The following AP2A2 variants were observed in gnomAD, a reference collection of about 807,000 sequenced individuals.
AP2A2 encodes the protein adaptor related protein complex 2 subunit alpha 2.
Under a neutral mutation model 104.2 loss-of-function variants are expected in AP2A2, and 32 were observed. That is an observed-to-expected ratio of 0.31 (90% confidence interval 0.23 to 0.41). The LOEUF is 0.41. AP2A2 is among the 10% of genes least tolerant of loss of function. The probability of loss-of-function intolerance (pLI) is 1.00; values close to 1 mark genes in which losing one functional copy is unlikely to be tolerated. For synonymous variants in AP2A2, 539 were observed against 533.3 expected (o/e 1.01, Z -0.15); for missense variants, 912 against 1,261.0 (o/e 0.72, Z 4.19).
At chr11:1,004,292 G>C (rs185455626) in intron 16 of AP2A2, among the ~76,000 whole-genome samples, 54 of 152,266 alleles carry the variant, frequency 3.5e-4, no homozygotes, top group Non-Finnish European at 5.1e-4. Context: ...GGCTAACATG[G>C]TGAAACCCTG....
chr11:927,677 C>T (rs963010404), intron 1 of AP2A2, among the ~76,000 whole-genome samples: 3 of 151,532 alleles, frequency 2.0e-5, no homozygotes, highest in African/African-American at 7.3e-5. Flanking sequence ...ATTAGCTGGG[C>T]GTATTGGTGT....
Position 988,585 on chromosome 11 carries a change from G to A in AP2A2, c.1165G>A (p.Val389Met). ...GGACGTGAGCGTGCGGCAGCGGGCC[G>A]TGGACCTCCTCTACGCCATGTGCGA... The part of the protein sequence containing the change: ...ERDVSVRQRA[V>M]DLLYAMCDRS... Residue 389 changes from valine to methionine, a missense_variant, in exon 10 of 22, where the codon GTG (valine) becomes ATG (methionine). By Grantham distance (21) the Val-to-Met change is conservative. Transcript: ENST00000448903. 4.3e-6 allele frequency: 7 copies of A among 1,612,976 alleles called. No homozygotes were observed. Among genetic ancestry groups the A allele is most frequent in the African/African-American group, 1.3e-5 (1 of 75,060 alleles).
rs1462838228 is a variant in AP2A2, at chr11:1,010,786, A to G, written c.*161A>G. Reference sequence around the variant, plus strand: ...CCTCTCCCCTTTGGGCTGGACGGGAACACACGTGTGTGGCTCAGGAGGAAA... The same window carrying G: ...CCTCTCCCCTTTGGGCTGGACGGGAGCACACGTGTGTGGCTCAGGAGGAAA... On this transcript the variant is annotated 3_prime_UTR_variant, in exon 22 of 22. Coordinates refer to ENST00000448903, the MANE Select transcript of AP2A2 (RefSeq NM_012305.4). The G allele has an allele frequency of 1.3e-5, 9 of 700,890 alleles. No homozygotes were observed. The highest frequency in any genetic ancestry group is 4.1e-5 in the Admixed American group (2 of 49,366). The allele number at this position is 700,890 out of a possible 1,614,324, so 43.4% of individuals were successfully genotyped here. A position where few individuals can be genotyped will look rare whatever the true frequency, so the allele number is the denominator to read the frequency against.
In AP2A2 at chr11:925,941, G is replaced by GGCGACC; in HGVS notation, c.-78_-73dup. 2 of 1,128,842 alleles carry GGCGACC rather than the reference G, an allele frequency of 1.8e-6. No homozygotes were observed. Among genetic ancestry groups the GGCGACC allele is most frequent in the Non-Finnish European group, 2.3e-6 (2 of 860,042 alleles). The allele number at this position is 1,128,842 out of a possible 1,614,324, so 69.9% of individuals were successfully genotyped here. ...CCGGCGGCTCCTCCGCGGCGGTGAC[G>GGCGACC]GCGACCGCACTCCCCGCTTCCCGCT... On this transcript the variant is annotated 5_prime_UTR_variant, in exon 1 of 22. Transcript: ENST00000448903.
chr11:993,952 G>C lies in AP2A2; in HGVS notation c.1749G>C (p.Leu583=), dbSNP rs1007346462. The C allele has an allele frequency of 6.2e-7, 1 of 1,612,600 alleles. No homozygotes were observed. The highest frequency in any genetic ancestry group is 8.5e-7 in the Non-Finnish European group (1 of 1,179,766). ...VELQQRAVEY[L]RLSTVASTDI... ...TGCAGCAGCGTGCTGTGGAGTACCT[G>C]CGGCTCAGCACCGTGGCCAGCACCG... The change falls in exon 13 of 22, where the codon CTG becomes CTC. Residue 583 remains leucine (L), a synonymous_variant. Coordinates refer to ENST00000448903, the MANE Select transcript of AP2A2 (RefSeq NM_012305.4). The surrounding 1 kb of genome is among the most constrained non-coding windows in gnomAD (Gnocchi z 8.2).
At chr11:969,616 C>G (rs966278261) in intron 2 of AP2A2, among the ~76,000 whole-genome samples, 1 of 152,168 alleles carries the variant, frequency 6.6e-6, no homozygotes, top group Non-Finnish European at 1.5e-5. Flanking sequence ...GCCATGATCC[C>G]TTGTGAGGGG....
intron 1 of AP2A2, 65 bp from the exon 2 acceptor site, chr11:959,372 T>C (rs1589966863): frequency 8.9e-7 from 1 of 1,127,366 alleles, no homozygotes; most frequent in East Asian, 2.4e-5. Context: ...GTCAGTCTTA[T>C]CAGGGAAATG....
intron 17 of AP2A2, chr11:1,007,623 C>G (rs1856254242): frequency 3.5e-6 from 1 of 284,280 alleles, no homozygotes; most frequent in African/African-American, 2.3e-5. Flanking sequence ...AGGCTCTTTT[C>G]TGTGTCTCGC....
intron 6 of AP2A2, among the ~76,000 whole-genome samples, chr11:982,340 C>T (rs569113556): frequency 6.0e-4 from 91 of 152,280 alleles, no homozygotes; most frequent in African/African-American, 2.9e-4. Flanking sequence ...CGTGAGCCAC[C>T]GCACCCGGCC....
chr11:951,775 G>C (rs1374856445), intron 1 of AP2A2, among the ~76,000 whole-genome samples: 1 of 152,210 alleles, frequency 6.6e-6, no homozygotes, highest in African/African-American at 2.4e-5. Context: ...GCTGACTGCT[G>C]TGCTAACCAC....
intron 7 of AP2A2, among the ~76,000 whole-genome samples, 170 bp downstream of exon 7, chr11:984,923 A>C (rs1855401367): frequency 6.6e-6 from 1 of 152,216 alleles, no homozygotes; most frequent in Non-Finnish European, 1.5e-5. Context: ...TGGAGCAGTT[A>C]TTGCAGAGCC....
chr11:929,374 A>T (rs7396407), intron 1 of AP2A2, among the ~76,000 whole-genome samples: 72,852 of 152,076 alleles, frequency 0.48, 18,385 homozygotes, highest in Middle Eastern at 0.65. Flanking sequence ...GCATGAGTGG[A>T]GGCCACTGGC....
intron 1 of AP2A2, among the ~76,000 whole-genome samples, chr11:930,962 A>G (rs1358718938): frequency 6.6e-6 from 1 of 152,216 alleles, no homozygotes; most frequent in South Asian, 2.1e-4. Flanking sequence ...TATGCAGTTT[A>G]GCACCTGTAG....
chr11:965,997 C>T (rs567489755), intron 2 of AP2A2, among the ~76,000 whole-genome samples: 8 of 152,258 alleles, frequency 5.3e-5, no homozygotes, highest in East Asian at 1.9e-4. Context: ...TGCACCACCA[C>T]GCCCAGCAAA....
In AP2A2 at chr11:1,011,299, G is replaced by A. The variant is rs1564826862; in HGVS notation, c.*674G>A. On this transcript the variant is annotated 3_prime_UTR_variant, in exon 22 of 22. Transcript: ENST00000448903. ...CTGCAGTCGCCGAGGCCTTGGATGT[G>A]CAGCCAGGGGAGGAGCGTCCTGCCG... 1 of 518,750 alleles carries A rather than the reference G, an allele frequency of 1.9e-6. No individual in the cohort carries two copies. Among genetic ancestry groups the A allele is most frequent in the Non-Finnish European group, 3.8e-6 (1 of 259,876 alleles). The allele number at this position is 518,750 out of a possible 1,614,324, so 32.1% of individuals were successfully genotyped here. A position where few individuals can be genotyped will look rare whatever the true frequency, so the allele number is the denominator to read the frequency against.
chr11:946,246 C>T (rs976382980), intron 1 of AP2A2, among the ~76,000 whole-genome samples: 5 of 152,206 alleles, frequency 3.3e-5, no homozygotes, highest in Non-Finnish European at 7.3e-5. Flanking sequence ...CCATGGAAAC[C>T]AGCTGCCTTA....
intron 2 of AP2A2, among the ~76,000 whole-genome samples, chr11:963,624 AT>A (rs1418898564): frequency 2.0e-5 from 3 of 152,072 alleles, no homozygotes; most frequent in Non-Finnish European, 4.4e-5. Context: ...CAGTTGATCA[AT>A]TGATTGATCT....
In AP2A2 at chr11:983,365, T is replaced by C. The variant is rs982198408; in HGVS notation, c.706-1280T>C. On this transcript the variant is annotated intron_variant, in intron 6 of 21. Transcript: ENST00000448903. Reference sequence around the variant, plus strand: ...TCTTTGGGTTAATTTGCTAGTCTCTTTTTATTATTTATTTATTTATTTATT... The same window carrying C: ...TCTTTGGGTTAATTTGCTAGTCTCTCTTTATTATTTATTTATTTATTTATT... Among the ~76,000 whole-genome samples the C allele has an allele frequency of 1.2e-4, 10 of 84,610 alleles. No individual in the cohort carries two copies. In the East Asian group the frequency reaches 3.5e-3, roughly 29 times the overall value. The allele number at this position is 84,610 out of a possible 152,430, so 55.5% of individuals were successfully genotyped here. A position where few individuals can be genotyped will look rare whatever the true frequency, so the allele number is the denominator to read the frequency against.
In AP2A2 at chr11:985,586, T is replaced by C. The variant is rs1243178919; in HGVS notation, c.962+4T>C. The stretch of plus-strand genomic sequence containing the variant: ...GCTTAATCATTCACCATGACAGGTG[T>C]GTCGGCTGCCTGTGGAGAGGCTTCG... On this transcript the variant is annotated splice_donor_region_variant and intron_variant, in intron 8 of 21. Transcript: ENST00000448903. 6.8e-6 allele frequency: 11 copies of C among 1,613,714 alleles called. No homozygotes were observed. Among genetic ancestry groups the C allele is most frequent in the Non-Finnish European group, 8.5e-6 (10 of 1,179,878 alleles).
Sources: gnomAD v4.1 joint callset for allele counts (sites outside exome capture counted in the v4.1 genomes callset) on GRCh38, gnomAD v4.1.1 for gene constraint, Gnocchi (gnomAD v3.1) non-coding constraint, MANE v1.5 for transcripts, NCBI Gene and HGNC (gene_info 2026-07-23, HGNC 2026-07-21) for gene names.